LAMTOR3: variants seen among roughly 807,000 people sequenced by gnomAD.
LAMTOR3 encodes the protein ragulator complex protein LAMTOR3.
Under a neutral mutation model 20.3 loss-of-function variants are expected in LAMTOR3, and 14 were observed. The ratio of observed to expected loss-of-function variants is 0.69; its 90% CI spans 0.46 to 1.08. The LOEUF is 1.08. Ranked by LOEUF, LAMTOR3 falls within the 50% of genes least tolerant of loss-of-function variation. LAMTOR3 has a pLI of 0.00. For synonymous variants in LAMTOR3, 40 were observed against 49.4 expected (o/e 0.81, Z 0.80); for missense variants, 125 against 143.7 (o/e 0.87, Z 0.67).
At chr4:99,894,298 A>C (rs1470074138) in intron 1 of LAMTOR3, 37 bp downstream of exon 1, 16 of 282,678 alleles carry the variant, frequency 5.7e-5, no homozygotes, top group Non-Finnish European at 9.2e-5. Flanking sequence ...CACCTGCGGG[A>C]CTAGGCCTCA....
At chr4:99,891,110 T>C (rs1725013681) in intron 3 of LAMTOR3, among the ~76,000 whole-genome samples, 1 of 152,212 alleles carries the variant, frequency 6.6e-6, no homozygotes, top group Non-Finnish European at 1.5e-5. Flanking sequence ...GTTTCTTCAA[T>C]AAGAGATGCT....
In LAMTOR3 at chr4:99,893,041, T is replaced by G. The variant is rs145193561; in HGVS notation, c.9+914A>C. On this transcript the variant is annotated intron_variant, in intron 2 of 6. Transcript: ENST00000499666. ...TCAAGTGTTTAACACGAAACACAGT[T>G]AAGACTAAAGAAGTAGAAGACTATT... is the stretch of plus-strand genomic sequence containing the variant. 2.3e-3 allele frequency among the ~76,000 whole-genome samples: 355 copies of G among 152,258 alleles called. 9 individuals carry two copies. The East Asian group carries it at 0.037, about 16-fold the overall frequency.
chr4:99,889,831 TTC>T (rs1491478906), intron 3 of LAMTOR3, among the ~76,000 whole-genome samples: 1 of 152,206 alleles, frequency 6.6e-6, no homozygotes, highest in East Asian at 1.9e-4. Flanking sequence ...CACAGGTAGC[TTC>T]TTTTTTTAAA....
rs935830452 is a variant in LAMTOR3, at chr4:99,888,719, T to C, written c.45-1365A>G. ...TTAAAATCCCATTGTCAAAAACTTT[T>C]AAGTCAGAAAAGTGTTATTAAATAT... On this transcript the variant is annotated intron_variant, in intron 3 of 6. Coordinates refer to ENST00000499666, the MANE Select transcript of LAMTOR3 (RefSeq NM_021970.4). Among the ~76,000 whole-genome samples, 10 of 152,338 alleles carry C rather than the reference T, an allele frequency of 6.6e-5. No individual in the cohort carries two copies. The East Asian group carries it at 1.9e-3, about 29-fold the overall frequency.
intron 3 of LAMTOR3, among the ~76,000 whole-genome samples, chr4:99,891,474 G>A (rs1179825554): frequency 1.3e-5 from 2 of 152,262 alleles, no homozygotes; most frequent in East Asian, 3.9e-4. Context: ...GATGCACACT[G>A]TCATCAGTAA....
At chr4:99,892,404 T>C (rs1578205038) in intron 2 of LAMTOR3, among the ~76,000 whole-genome samples, 1 of 152,210 alleles carries the variant, frequency 6.6e-6, no homozygotes, top group Admixed American at 6.5e-5. Context: ...TGCTATTGTG[T>C]TCACTTGAGA....
rs147607729 is a variant in LAMTOR3, at chr4:99,885,658, G to C, written c.121C>G (p.Pro41Ala). Residue 41 changes from proline (P) to alanine (A), a missense_variant, in exon 5 of 7, where the codon CCA (proline) becomes GCA (alanine). Around this residue, in one of 3 missense-constraint regions of LAMTOR3, gnomAD observed 99 missense variants for 96.0 expected, o/e 1.03. Coordinates refer to ENST00000499666, the MANE Select transcript of LAMTOR3 (RefSeq NM_021970.4). ...PVIKVANDNA[P>A]EHALRPGFLS... ...AAACCAGGTCGCAAAGCATGCTCTG[G>C]AGCATTGTCATTTGCCACTAGAAAA... The C allele has an allele frequency of 3.7e-6, 6 of 1,612,694 alleles. No individual in the cohort carries two copies. Among genetic ancestry groups the C allele is most frequent in the Non-Finnish European group, 5.1e-6 (6 of 1,179,470 alleles).
intron 1 of LAMTOR3, 129 bp from the exon 2 acceptor site, chr4:99,894,129 C>T (rs541285517): frequency 1.8e-4 from 94 of 525,362 alleles, no homozygotes; most frequent in African/African-American, 1.6e-3. Flanking sequence ...CTTGGCCCAG[C>T]GAGCCCAGTG....
intron 4 of LAMTOR3, among the ~76,000 whole-genome samples, chr4:99,887,048 G>C (rs1320403169): frequency 6.6e-6 from 1 of 152,102 alleles, no homozygotes; most frequent in Non-Finnish European, 1.5e-5. Context: ...TCTTTAATGG[G>C]AAATGGGTCT....
intron 1 of LAMTOR3, 78 bp from the exon 2 acceptor site, chr4:99,894,078 A>T: frequency 1.1e-6 from 1 of 938,732 alleles, no homozygotes; most frequent in Non-Finnish European, 1.5e-6. Context: ...ACGCGAGATC[A>T]GCCCTGGTCA....
At position 99,882,161 on chromosome 4, in the gene LAMTOR3, A is replaced by G. The variant is rs527260597; in HGVS notation, c.302-94T>C. The G allele has an allele frequency of 1.5e-4, 111 of 717,928 alleles. No homozygotes were observed. In the African/African-American group the frequency reaches 1.8e-3, roughly 11 times the overall value. 44.5% of individuals were successfully genotyped at this position (717,928 alleles called of 1,614,324 possible). ...CTTATGTCCAAAATACATAGTTACCAAAAGTAAATCAGAACATAGTTTATT... is the reference window on the plus strand; with the variant it reads ...CTTATGTCCAAAATACATAGTTACCGAAAGTAAATCAGAACATAGTTTATT... On this transcript the variant is annotated intron_variant, in intron 6 of 6. Coordinates refer to ENST00000499666, the MANE Select transcript of LAMTOR3 (RefSeq NM_021970.4).
intron 3 of LAMTOR3, among the ~76,000 whole-genome samples, chr4:99,888,737 T>C (rs1479285393): frequency 6.6e-6 from 1 of 152,208 alleles, no homozygotes; most frequent in Non-Finnish European, 1.5e-5. Context: ...AAAAGTGTTA[T>C]TAAATATGAA....
chr4:99,886,962 T>A (rs1308919569), intron 4 of LAMTOR3, among the ~76,000 whole-genome samples: 1 of 145,280 alleles, frequency 6.9e-6, no homozygotes, highest in Non-Finnish European at 1.5e-5. Context: ...TAGGGGTGTC[T>A]GTGTGTATAT....
chr4:99,879,833 CTACT>C lies in LAMTOR3; in HGVS notation c.*2157_*2160del. ...CACCTAGGCTATATGGTATAGCCTA[CTACT>C]ATACACCTAGGCTATATGGTATAGC... On this transcript the variant is annotated 3_prime_UTR_variant, in exon 7 of 7. Coordinates refer to ENST00000499666, the MANE Select transcript of LAMTOR3 (RefSeq NM_021970.4). The C allele has an allele frequency of 4.0e-5, 6 of 148,202 alleles. No individual in the cohort carries two copies. The highest frequency in any genetic ancestry group is 1.3e-4 in the African/African-American group (5 of 38,128). 9.2% of individuals were successfully genotyped at this position (148,202 alleles called of 1,614,324 possible). A position where few individuals can be genotyped will look rare whatever the true frequency, so the allele number is the denominator to read the frequency against.
intron 6 of LAMTOR3, among the ~76,000 whole-genome samples, chr4:99,882,644 T>G (rs1366149638): frequency 6.6e-6 from 1 of 152,026 alleles, no homozygotes; most frequent in African/African-American, 2.4e-5. Context: ...ATACATATGA[T>G]TTTTACTAAA....
At position 99,893,864 on chromosome 4, in the gene LAMTOR3, T is replaced by C. The variant is rs1420009545; in HGVS notation, c.9+91A>G. ...GTGGGGCTGGGAGGATCAAAACAAATTTCTGTTTGGGAAGTTCTACCTCTC... is the reference window on the plus strand; with the variant it reads ...GTGGGGCTGGGAGGATCAAAACAAACTTCTGTTTGGGAAGTTCTACCTCTC... On this transcript the variant is annotated intron_variant, in intron 2 of 6. Coordinates refer to ENST00000499666, the MANE Select transcript of LAMTOR3 (RefSeq NM_021970.4). 3 of 1,071,400 alleles carry C rather than the reference T, an allele frequency of 2.8e-6. No individual in the cohort carries two copies. The African/African-American group carries it at 4.9e-5, about 17-fold the overall frequency. The allele number at this position is 1,071,400 out of a possible 1,614,324, so 66.4% of individuals were successfully genotyped here. A position where few individuals can be genotyped will look rare whatever the true frequency, so the allele number is the denominator to read the frequency against.
intron 4 of LAMTOR3, among the ~76,000 whole-genome samples, chr4:99,886,748 A>G (rs114409318): frequency 6.6e-5 from 10 of 152,310 alleles, no homozygotes; most frequent in African/African-American, 2.2e-4. Context: ...TAAAGCCACT[A>G]TAGTGTCCCA....
chr4:99,886,918 A>ATGTATGTATGTATATATGTGTGTG (rs575111084), intron 4 of LAMTOR3, among the ~76,000 whole-genome samples: 12,442 of 141,980 alleles, frequency 0.088, 619 homozygotes, highest in East Asian at 0.24. Context: ...TGTGTGTGGT[A>ATGTATGTATGTATATATGTGTGTG]TGTATATATA....
chr4:99,882,681 AT>A (rs567910195), intron 6 of LAMTOR3, among the ~76,000 whole-genome samples: 159 of 152,176 alleles, frequency 1.0e-3, no homozygotes, highest in Admixed American at 3.5e-3. Context: ...CTCTAAGCAA[AT>A]TTTAACAGAT....
Sources: gnomAD v4.1 joint callset for allele counts (sites outside exome capture counted in the v4.1 genomes callset) on GRCh38, gnomAD v4.1.1 for gene constraint, gnomAD v4.1.1 regional missense constraint, MANE v1.5 for transcripts, NCBI Gene and HGNC (gene_info 2026-07-23, HGNC 2026-07-21) for gene names.